Variants in DZANK1 observed in about 807,000 individuals in gnomAD.
The protein encoded by DZANK1 is double zinc ribbon and ankyrin repeat-containing protein 1.
DZANK1 carries 91 observed loss-of-function variants against 94.5 expected under a neutral mutation model. The observed-to-expected ratio is 0.96, with a 90% CI of 0.81 to 1.15. The LOEUF is 1.15. Among genes scored for constraint, DZANK1 ranks in the 50% most tolerant of loss-of-function variants. The pLI is 0.00. For synonymous variants in DZANK1, 312 were observed against 325.3 expected (o/e 0.96, Z 0.44); for missense variants, 903 against 916.4 (o/e 0.99, Z 0.19).
At chr20:18,410,557 A>T (rs78856327) in intron 13 of DZANK1, among the ~76,000 whole-genome samples, 5 of 152,210 alleles carry the variant, frequency 3.3e-5, no homozygotes, top group Non-Finnish European at 5.9e-5. Flanking sequence ...CAAAATGATA[A>T]GTCCAACTTT....
intron 7 of DZANK1, among the ~76,000 whole-genome samples, chr20:18,446,694 G>GA (rs1243478426): frequency 2.1e-4 from 32 of 151,884 alleles, no homozygotes; most frequent in Non-Finnish European, 3.8e-4. Context: ...AAATCTTCCT[G>GA]AAAAAAAATC....
intron 17 of DZANK1, among the ~76,000 whole-genome samples, chr20:18,391,513 GT>G (rs1320613718): frequency 3.9e-5 from 6 of 152,198 alleles, no homozygotes; most frequent in Admixed American, 2.6e-4. Context: ...GATTACAGGC[GT>G]GAGTCACTGG....
chr20:18,412,964 G>T, intron 12 of DZANK1, 111 bp from the exon 13 acceptor site: 1 of 1,058,208 alleles, frequency 9.4e-7, no homozygotes, highest in Non-Finnish European at 1.4e-6. Flanking sequence ...CAAGAAAAGT[G>T]TACTTGGAAC....
intron 2 of DZANK1, among the ~76,000 whole-genome samples, chr20:18,462,983 C>G (rs2059526716): frequency 6.7e-6 from 1 of 149,090 alleles, no homozygotes; most frequent in African/African-American, 2.5e-5. Flanking sequence ...GTTGAAATAC[C>G]ATTCAAGCTA....
chr20:18,384,554 T>C (rs1334597867), exon 21 of DZANK1: 4 of 1,602,592 alleles, frequency 2.5e-6, no homozygotes, highest in African/African-American at 2.7e-5. Context: ...TTTTGGATGC[T>C]TGCATTGCAT....
chr20:18,383,575 A>C (rs1176903523), exon 21 of DZANK1: 1 of 152,242 alleles, frequency 6.6e-6, no homozygotes, highest in Non-Finnish European at 1.5e-5. Flanking sequence ...TTGTTTTAAA[A>C]GAGGGGAAAG....
intron 12 of DZANK1, 124 bp from the exon 13 acceptor site, chr20:18,412,977 A>G: frequency 2.1e-6 from 2 of 934,118 alleles, no homozygotes; most frequent in Non-Finnish European, 1.6e-6. Context: ...CTTGGAACTA[A>G]TAGGGTTTTC....
At chr20:18,416,110 C>T (rs1161365582) in intron 10 of DZANK1, among the ~76,000 whole-genome samples, 2 of 152,196 alleles carry the variant, frequency 1.3e-5, no homozygotes, top group Non-Finnish European at 2.9e-5. Context: ...ACGTCAGTCC[C>T]ACTGTAGACC....
At chr20:18,393,356 T>G (rs1167260373) in intron 17 of DZANK1, among the ~76,000 whole-genome samples, 1 of 152,198 alleles carries the variant, frequency 6.6e-6, no homozygotes, top group Non-Finnish European at 1.5e-5. Context: ...GGGTCCATCC[T>G]CATGCTGGGC....
chr20:18,394,495 C>T, intron 15 of DZANK1, 145 bp from the exon 16 acceptor site: 2 of 798,916 alleles, frequency 2.5e-6, no homozygotes, highest in Non-Finnish European at 2.1e-6. Flanking sequence ...GGATGTCCTT[C>T]CTGACTCCTC....
At chr20:18,460,884 C>T (rs1021202978) in intron 2 of DZANK1, among the ~76,000 whole-genome samples, 1 of 152,204 alleles carries the variant, frequency 6.6e-6, no homozygotes, top group Non-Finnish European at 1.5e-5. Flanking sequence ...GAGCTCATTT[C>T]ATCTGTACAA....
intron 10 of DZANK1, among the ~76,000 whole-genome samples, chr20:18,416,123 G>A (rs191724666): frequency 3.9e-4 from 59 of 152,290 alleles, no homozygotes; most frequent in Non-Finnish European, 4.9e-4. Context: ...TGTAGACCTG[G>A]GAGGTGGGTG....
At chr20:18,419,193 C>T (rs2057644057) in intron 10 of DZANK1, among the ~76,000 whole-genome samples, 2 of 148,318 alleles carry the variant, frequency 1.3e-5, no homozygotes, top group African/African-American at 5.0e-5. Context: ...ACCTGGGAGG[C>T]GGAGGTTGCA....
At chr20:18,436,508 A>G (rs1378016380) in intron 8 of DZANK1, among the ~76,000 whole-genome samples, 1 of 152,234 alleles carries the variant, frequency 6.6e-6, no homozygotes, top group Non-Finnish European at 1.5e-5. Context: ...AGAAAGAATC[A>G]GTGAACTTGA....
intron 3 of DZANK1, 49 bp downstream of exon 3, chr20:18,460,102 CAT>C (rs2148810546): frequency 1.6e-6 from 2 of 1,243,514 alleles, no homozygotes; most frequent in East Asian, 5.3e-5. Flanking sequence ...AAAATTAGAA[CAT>C]AATGTTATTA....
chr20:18,418,333 G>C (rs372690939), intron 10 of DZANK1, among the ~76,000 whole-genome samples: 30 of 152,280 alleles, frequency 2.0e-4, no homozygotes, highest in African/African-American at 6.3e-4. Flanking sequence ...GAGGCAGGGA[G>C]CTCCCAGAAA....
chr20:18,393,213 C>T (rs2056118657), intron 17 of DZANK1, among the ~76,000 whole-genome samples: 1 of 152,180 alleles, frequency 6.6e-6, no homozygotes, highest in Non-Finnish European at 1.5e-5. Context: ...CACACACCAA[C>T]ACCCTCACCA....
At chr20:18,397,853 G>A (rs952008272) in intron 14 of DZANK1, among the ~76,000 whole-genome samples, 3 of 152,174 alleles carry the variant, frequency 2.0e-5, no homozygotes, top group Non-Finnish European at 4.4e-5. Context: ...ATAGCAGGGT[G>A]GCTGAGCTCC....
chr20:18,391,006 G>A (rs2055940392), intron 17 of DZANK1, among the ~76,000 whole-genome samples: 1 of 152,120 alleles, frequency 6.6e-6, no homozygotes, highest in Non-Finnish European at 1.5e-5. Context: ...GACCAGCCTA[G>A]CCAACATGGT....
Sources: gnomAD v4.1 joint callset for allele counts (sites outside exome capture counted in the v4.1 genomes callset) on GRCh38, gnomAD v4.1.1 for gene constraint, MANE v1.5 for transcripts, NCBI Gene and HGNC (gene_info 2026-07-23, HGNC 2026-07-21) for gene names.